FREM1: variants seen among roughly 807,000 people sequenced by gnomAD.
FREM1 encodes FRAS1 related extracellular matrix 1.
In FREM1, 220 loss-of-function variants were observed where a neutral mutation model predicts 210.1. The observed-to-expected ratio is 1.05, with a 90% CI of 0.94 to 1.17. The LOEUF (loss-of-function observed/expected upper bound fraction) is 1.17, where lower values mean the gene tolerates loss of function less well. Among genes scored for constraint, FREM1 ranks in the 50% most tolerant of loss-of-function variants. FREM1 has a pLI of 0.00. For missense variants in FREM1, 3,454 were observed against 2,675.5 expected (o/e 1.29, Z -6.42); for synonymous variants, 1,189 against 980.2 (o/e 1.21, Z -3.98).
chr9:14,860,772 CACATATATACATATAT>C (rs201582257), intron 3 of FREM1, among the ~76,000 whole-genome samples: 7,086 of 103,808 alleles, frequency 0.068, 747 homozygotes, highest in East Asian at 0.26. Context: ...CACATATATA[CACATATATACATATAT>C]ACATATATAC....
At chr9:14,824,150 T>G in intron 11 of FREM1, 35 bp from the exon 12 acceptor site, 1 of 1,357,078 alleles carries the variant, frequency 7.4e-7, no homozygotes, top group Non-Finnish European at 1.0e-6. Context: ...ATCAGCTCAT[T>G]TTTAGGTAAG....
intron 22 of FREM1, 105 bp downstream of exon 22, chr9:14,792,638 A>G: frequency 1.2e-6 from 1 of 860,884 alleles, no homozygotes; most frequent in Non-Finnish European, 1.7e-6. Context: ...CTTCTAGGCA[A>G]ATATATGTCT....
At chr9:14,771,348 A>G (rs2132515046) in intron 25 of FREM1, among the ~76,000 whole-genome samples, 1 of 152,320 alleles carries the variant, frequency 6.6e-6, no homozygotes, top group East Asian at 1.9e-4. Flanking sequence ...TTGAATAAAA[A>G]TAGAGATACC....
intron 13 of FREM1, 48 bp from the exon 14 acceptor site, chr9:14,819,490 C>G (rs186761488): frequency 8.4e-7 from 1 of 1,185,478 alleles, no homozygotes; most frequent in African/African-American, 1.5e-5. Flanking sequence ...TTCCATGACC[C>G]CTGAAGACAG....
intron 1 of FREM1, among the ~76,000 whole-genome samples, chr9:14,883,570 A>G (rs988767907): frequency 1.3e-5 from 2 of 152,216 alleles, no homozygotes; most frequent in African/African-American, 4.8e-5. Flanking sequence ...GAAGAAAAAC[A>G]GAACAACAGC....
intron 1 of FREM1, among the ~76,000 whole-genome samples, chr9:14,886,717 G>A (rs1835879528): frequency 6.6e-6 from 1 of 151,892 alleles, no homozygotes; most frequent in Non-Finnish European, 1.5e-5. Flanking sequence ...GCAATATGGT[G>A]AAACCCCACT....
chr9:14,824,912 C>T lies in FREM1; in HGVS notation c.1962G>A (p.Lys654=), dbSNP rs1202623452. 1 of 1,611,216 alleles carries T rather than the reference C, an allele frequency of 6.2e-7. No individual in the cohort carries two copies. Among genetic ancestry groups the T allele is most frequent in the Non-Finnish European group, 8.5e-7 (1 of 1,179,088 alleles). The change falls in exon 11 of 37, where the codon AAG becomes AAA. Residue 654 remains lysine (K), a synonymous_variant. Transcript: ENST00000380880. ...APGVSRHLVV[K]ETEVAYITKK... ...TAGTTATATAGGCCACCTCAGTTTC[C>T]TTGACAACCAAATGCCGAGAAACTC...
intron 35 of FREM1, 93 bp from the exon 36 acceptor site, chr9:14,740,327 T>TTTATTAAAAGTAAGTTTAATAAAG: frequency 1.1e-6 from 1 of 950,118 alleles, no homozygotes. Context: ...AAGTTTAAAA[T>TTTATTAAAAGTAAGTTTAATAAAG]ACACAAAAAA....
intron 25 of FREM1, among the ~76,000 whole-genome samples, chr9:14,774,517 CTCTCTCT>C (rs879702077): frequency 0.15 from 1,796 of 12,168 alleles, 21 homozygotes; most frequent in Non-Finnish European, 0.25. Flanking sequence ...ATAAATCTCT[CTCTCTCT>C]CTCTCTCTCT....
chr9:14,792,629 T>G (rs2133076037), intron 22 of FREM1, 114 bp downstream of exon 22: 1 of 801,162 alleles, frequency 1.2e-6, no homozygotes, highest in East Asian at 2.9e-5. Context: ...AATTTTCTAC[T>G]TCTAGGCAAA....
At chr9:14,808,605 A>T (rs1213268862) in intron 16 of FREM1, among the ~76,000 whole-genome samples, 1 of 152,256 alleles carries the variant, frequency 6.6e-6, no homozygotes, top group Non-Finnish European at 1.5e-5. Flanking sequence ...GAGGATGTTG[A>T]ATAGGTGAAA....
At chr9:14,830,663 G>A (rs1025836425) in intron 10 of FREM1, among the ~76,000 whole-genome samples, 1 of 152,092 alleles carries the variant, frequency 6.6e-6, no homozygotes, top group African/African-American at 2.4e-5. Context: ...TTCTGTATGG[G>A]GGAGCTTCTT....
At chr9:14,896,341 C>T (rs540685559) in intron 1 of FREM1, among the ~76,000 whole-genome samples, 13 of 152,150 alleles carry the variant, frequency 8.5e-5, no homozygotes, top group Admixed American at 5.9e-4. Context: ...GTCAGGAGTT[C>T]GAGACCAGCC....
At chr9:14,858,922 G>T (rs916921205) in intron 4 of FREM1, among the ~76,000 whole-genome samples, 1 of 152,094 alleles carries the variant, frequency 6.6e-6, no homozygotes, top group African/African-American at 2.4e-5. Flanking sequence ...CAACCCTACA[G>T]GGCAGCTATT....
chr9:14,777,806 G>C (rs1390082886), intron 24 of FREM1, among the ~76,000 whole-genome samples: 1 of 152,158 alleles, frequency 6.6e-6, no homozygotes, highest in East Asian at 1.9e-4. Context: ...CTATTAGATA[G>C]TGTGAAAGCA....
intron 5 of FREM1, among the ~76,000 whole-genome samples, chr9:14,856,664 T>C (rs1828792896): frequency 6.6e-6 from 1 of 151,960 alleles, no homozygotes; most frequent in South Asian, 2.1e-4. Flanking sequence ...AAACCCCTTC[T>C]CTACTAAAAA....
intron 19 of FREM1, 33 bp downstream of exon 19, chr9:14,804,920 TAAA>T: frequency 6.7e-7 from 1 of 1,500,348 alleles, no homozygotes; most frequent in Non-Finnish European, 9.3e-7. Context: ...ATCAAAATGA[TAAA>T]AGAGAAATGG....
Position 14,836,516 on chromosome 9 carries a change from C to T in FREM1, c.1881+4931G>A, listed in dbSNP as rs1486406874. ...TTATTAACAGGCTCAGGGAAAATGC[C>T]GGCTTCAGCCCTGGGCGGCTACAAT... On this transcript the variant is annotated intron_variant, in intron 10 of 36. Transcript: ENST00000380880. The surrounding 1 kb of genome is among the most constrained non-coding windows in gnomAD (Gnocchi z 4.9). 3.9e-5 allele frequency among the ~76,000 whole-genome samples: 6 copies of T among 152,160 alleles called. No homozygotes were observed. Among genetic ancestry groups the T allele is most frequent in the African/African-American group, 4.8e-5 (2 of 41,434 alleles).
chr9:14,753,571 G>A (rs1005327057), intron 29 of FREM1, among the ~76,000 whole-genome samples: 5 of 152,168 alleles, frequency 3.3e-5, no homozygotes, highest in African/African-American at 1.2e-4. Flanking sequence ...CAGCTCCCAC[G>A]TAAGAGTTCT....
Sources: gnomAD v4.1 joint callset for allele counts (sites outside exome capture counted in the v4.1 genomes callset) on GRCh38, gnomAD v4.1.1 for gene constraint, Gnocchi (gnomAD v3.1) non-coding constraint, MANE v1.5 for transcripts, NCBI Gene and HGNC (gene_info 2026-07-23, HGNC 2026-07-21) for gene names.